Variants in GLT8D2 observed in about 807,000 individuals in gnomAD.
GLT8D2 encodes the protein glycosyltransferase 8 domain-containing protein 2.
A neutral mutation model predicts 44.5 loss-of-function variants in GLT8D2; 45 were observed. That is an observed-to-expected ratio of 1.01 (90% CI 0.80 to 1.30). The LOEUF is 1.30. Ranked by LOEUF, GLT8D2 falls within the 50% of genes most tolerant of loss-of-function variation. GLT8D2 has a pLI of 0.00. For synonymous variants in GLT8D2, 156 were observed against 157.2 expected (o/e 0.99, Z 0.06); for missense variants, 400 against 430.4 (o/e 0.93, Z 0.62).
upstream of GLT8D2, among the ~76,000 whole-genome samples, chr12:104,051,305 T>C (rs1881706069): frequency 1.3e-5 from 2 of 152,080 alleles, no homozygotes. Flanking sequence ...AATTTTCTAG[T>C]AGCCACATTA....
At chr12:104,043,451 C>T (rs1234083798) in intron 1 of GLT8D2, among the ~76,000 whole-genome samples, 3 of 152,018 alleles carry the variant, frequency 2.0e-5, no homozygotes, top group African/African-American at 4.8e-5. Flanking sequence ...CAAATCAGTT[C>T]GGGTGACTCC....
At chr12:103,996,253 A>G (rs1179914441) in intron 8 of GLT8D2, among the ~76,000 whole-genome samples, 1 of 152,198 alleles carries the variant, frequency 6.6e-6, no homozygotes, top group Non-Finnish European at 1.5e-5. Flanking sequence ...ACCCTTAACA[A>G]AATCAATATT....
chr12:104,000,322 G>A (rs1380551377), intron 5 of GLT8D2, among the ~76,000 whole-genome samples: 1 of 152,144 alleles, frequency 6.6e-6, no homozygotes, highest in Non-Finnish European at 1.5e-5. Context: ...CAAAGTGTGT[G>A]GGAAAAGTGT....
At chr12:104,031,230 C>T (rs1320861147) in intron 1 of GLT8D2, 1 of 1,611,156 alleles carries the variant, frequency 6.2e-7, no homozygotes, top group African/African-American at 1.4e-5. Flanking sequence ...GATCAGCTAC[C>T]CTCCTGTGAG....
Position 104,043,946 on chromosome 12 carries a change from T to C in GLT8D2, c.-164+5949A>G, listed in dbSNP as rs1361969840. Among the ~76,000 whole-genome samples the C allele has an allele frequency of 9.9e-5, 15 of 152,242 alleles. 1 individual carries two copies. Among genetic ancestry groups the C allele is most frequent in the Admixed American group, 9.8e-4 (15 of 15,286 alleles). ...CTGGCACATTAGCCTTTGACTATAT[T>C]ATTCTGCCTTTGTCTCCCTTCAGCT... On this transcript the variant is annotated intron_variant, in intron 1 of 10. Coordinates refer to ENST00000360814, the MANE Select transcript of GLT8D2 (RefSeq NM_001384711.1).
chr12:104,031,375 T>A, intron 1 of GLT8D2: 1 of 1,606,682 alleles, frequency 6.2e-7, no homozygotes, highest in Non-Finnish European at 8.5e-7. Flanking sequence ...ATCTGGAGGG[T>A]CTCTCTGAAG....
intron 1 of GLT8D2, among the ~76,000 whole-genome samples, chr12:104,024,793 C>T (rs1233889464): frequency 6.6e-6 from 1 of 151,992 alleles, no homozygotes; most frequent in East Asian, 1.9e-4. Flanking sequence ...TGTTAGGCCT[C>T]AGTGCTGTGG....
rs1012212049 is a variant in GLT8D2 at position 104,064,041 on chromosome 12, C to A, written c.-515G>T. ...GCAGGCTTTGTAGCGACCTTCCCTGCCCGGGTCCCAGTCACGGTCGGGAGC... is the reference window on the plus strand; with the variant it reads ...GCAGGCTTTGTAGCGACCTTCCCTGACCGGGTCCCAGTCACGGTCGGGAGC... On this transcript the variant is annotated 5_prime_UTR_variant, in exon 1 of 11. Transcript: ENST00000548660. The surrounding 1 kb of genome is among the most constrained non-coding windows in gnomAD (Gnocchi z 7.3). 1.3e-5 allele frequency: 2 copies of A among 152,394 alleles called. No individual in the cohort carries two copies. The highest frequency in any genetic ancestry group is 6.5e-5 in the Admixed American group (1 of 15,294). 9.4% of individuals were successfully genotyped at this position (152,394 alleles called of 1,614,324 possible).
At chr12:104,011,589 G>T (rs1875832726) in intron 4 of GLT8D2, among the ~76,000 whole-genome samples, 1 of 152,144 alleles carries the variant, frequency 6.6e-6, no homozygotes, top group African/African-American at 2.4e-5. Flanking sequence ...TCACAATGGG[G>T]ATATTACAGA....
intron 10 of GLT8D2, 88 bp downstream of exon 10, chr12:103,993,304 C>T (rs968484082): frequency 2.0e-6 from 2 of 1,025,436 alleles, no homozygotes; most frequent in African/African-American, 3.2e-5. Context: ...GCACTCCAGC[C>T]TGGGCAGCAG....
intron 1 of GLT8D2, among the ~76,000 whole-genome samples, chr12:104,058,652 C>T (rs1359317200): frequency 6.6e-6 from 1 of 152,154 alleles, no homozygotes; most frequent in Non-Finnish European, 1.5e-5. Flanking sequence ...TAGCTACAAC[C>T]TATTGGGTCT....
At chr12:103,989,691 C>T in intron 10 of GLT8D2, 114 bp from the exon 11 acceptor site, 3 of 964,086 alleles carry the variant, frequency 3.1e-6, no homozygotes, top group Non-Finnish European at 4.5e-6. Flanking sequence ...AAAGGTTATA[C>T]AGTGAATTTT....
At chr12:104,011,052 G>A (rs141723762) in intron 4 of GLT8D2, among the ~76,000 whole-genome samples, 2 of 152,306 alleles carry the variant, frequency 1.3e-5, no homozygotes, top group African/African-American at 2.4e-5. Context: ...CACTCCTTAG[G>A]GGCCTCTGCC....
chr12:104,012,533 G>A (rs1336550230), intron 4 of GLT8D2: 3 of 341,322 alleles, frequency 8.8e-6, no homozygotes, highest in Non-Finnish European at 1.1e-5. Flanking sequence ...GGGAGTCTGT[G>A]GTGGGATTAG....
chr12:103,993,609 A>T, intron 9 of GLT8D2, 105 bp from the exon 10 acceptor site: 2 of 708,432 alleles, frequency 2.8e-6, no homozygotes, highest in Non-Finnish European at 4.6e-6. Flanking sequence ...CTCACTATGT[A>T]CTAAGACTTA....
chr12:103,994,369 T>C lies in GLT8D2; in HGVS notation c.733A>G (p.Lys245Glu). ...MTEWKHQRIT[K>E]QLEKWMQKNV... ...TTTTGCATCCATTTCTCCAATTGCT[T>C]GGTGATGCGCTGGTGCTTCCATTCT... Residue 245 changes from lysine (K) to glutamate (E), a missense_variant, in exon 9 of 11, where the codon AAG becomes GAG. By Grantham distance (56) the Lys-to-Glu change is moderately conservative. Transcript: ENST00000360814. 2 of 1,613,384 alleles carry C rather than the reference T, an allele frequency of 1.2e-6. No homozygotes were observed. The highest frequency in any genetic ancestry group is 1.7e-6 in the Non-Finnish European group (2 of 1,179,582).
chr12:104,015,108 G>A lies in GLT8D2; in HGVS notation c.20-3C>T. 1 of 1,607,444 alleles carries A rather than the reference G, an allele frequency of 6.2e-7. No homozygotes were observed. The highest frequency in any genetic ancestry group is 8.5e-7 in the Non-Finnish European group (1 of 1,174,396). On this transcript the variant is annotated splice_polypyrimidine_tract_variant and splice_region_variant and intron_variant, in intron 3 of 10. Coordinates refer to ENST00000360814, the MANE Select transcript of GLT8D2 (RefSeq NM_001384711.1). ...AAGGAACAGCAGCACCTGATTAACT[G>A]AAATAGAAATGGAAACACATTAACA...
rs145523678 is a variant in GLT8D2 at position 103,989,930 on chromosome 12, A to G, written c.881-353T>C. On this transcript the variant is annotated intron_variant, in intron 10 of 10. Coordinates refer to ENST00000360814, the MANE Select transcript of GLT8D2 (RefSeq NM_001384711.1). ...AAACTTTCCACAGCAGTACATGTGG[A>G]TTTACCAAATTATTTTTAGTGACTG... Among the ~76,000 whole-genome samples the G allele has an allele frequency of 2.4e-3, 360 of 151,982 alleles. 8 individuals are homozygous for G. The highest frequency in any genetic ancestry group is 0.02 in the East Asian group (102 of 5,180).
intron 1 of GLT8D2, among the ~76,000 whole-genome samples, chr12:104,036,545 A>G (rs138441252): frequency 1.2e-4 from 19 of 152,348 alleles, no homozygotes; most frequent in Non-Finnish European, 2.4e-4. Flanking sequence ...TAAACCAACA[A>G]AGATCAAAAC....
Sources: gnomAD v4.1 joint callset for allele counts (sites outside exome capture counted in the v4.1 genomes callset) on GRCh38, gnomAD v4.1.1 for gene constraint, Gnocchi (gnomAD v3.1) non-coding constraint, MANE v1.5 for transcripts, NCBI Gene and HGNC (gene_info 2026-07-23, HGNC 2026-07-21) for gene names.